The following ARHGAP5 variants were observed in gnomAD, a reference collection of about 807,000 sequenced individuals.
ARHGAP5 encodes the protein Rho GTPase activating protein 5.
ARHGAP5 carries 23 observed loss-of-function variants against 116.6 expected under a neutral mutation model. The observed-to-expected ratio is 0.20, with a 90% CI of 0.14 to 0.28. The LOEUF (loss-of-function observed/expected upper bound fraction) is 0.28, where lower values mean the gene tolerates loss of function less well. Among genes scored for constraint, ARHGAP5 ranks in the 10% least tolerant of loss-of-function variants. The pLI is 1.00. For synonymous variants in ARHGAP5, 574 were observed against 602.0 expected (o/e 0.95, Z 0.68); for missense variants, 1,405 against 1,774.8 (o/e 0.79, Z 3.74).
chr14:32,120,382 CTTT>C (rs139973746), intron 3 of ARHGAP5, among the ~76,000 whole-genome samples: 1 of 150,058 alleles, frequency 6.7e-6, no homozygotes, highest in Non-Finnish European at 1.5e-5. Flanking sequence ...ATTGATTTTC[CTTT>C]TTTTTTCCAT....
In ARHGAP5 at chr14:32,122,563, G is replaced by A. The variant is rs80144160; in HGVS notation, c.3865+5276G>A. On this transcript the variant is annotated intron_variant, in intron 3 of 6. Transcript: ENST00000345122. ...AAAATTTTGTCACTGTGTGCATGGT[G>A]TCATGTCTAAGAAGGTTTTTGCCTA... 4.9e-4 allele frequency among the ~76,000 whole-genome samples: 74 copies of A among 152,264 alleles called. No individual in the cohort carries two copies. In the East Asian group the frequency reaches 0.013, roughly 26 times the overall value.
At position 32,154,712 on chromosome 14, in the gene ARHGAP5, C is replaced by T; in HGVS notation, c.4273C>T (p.Arg1425Ter). 1 of 1,614,012 alleles carries T rather than the reference C, an allele frequency of 6.2e-7. No homozygotes were observed. ...CTTGATGAGACCTGATTTTGAAAATCGAGAGTTTCTGTCTACTACTAAGAT... is the reference window on the plus strand; with the variant it reads ...CTTGATGAGACCTGATTTTGAAAATTGAGAGTTTCTGTCTACTACTAAGAT... ...PTLMRPDFEN[R>*]EFLSTTKIHQ... The change falls in exon 7 of 7, where the codon CGA (arginine) becomes TGA (stop). Residue 1425 changes from arginine (R) to a stop codon, truncating the protein, a stop_gained. Coordinates refer to ENST00000345122, the MANE Select transcript of ARHGAP5 (RefSeq NM_001030055.2). LOFTEE classifies it high-confidence loss of function.
At chr14:32,108,500 G>GAGT (rs1423112710) in intron 2 of ARHGAP5, among the ~76,000 whole-genome samples, 2 of 152,064 alleles carry the variant, frequency 1.3e-5, no homozygotes, top group Non-Finnish European at 2.9e-5. Flanking sequence ...AGATGAAATA[G>GAGT]AGTAGGGTTA....
chr14:32,126,558 C>G (rs186452772), intron 3 of ARHGAP5, among the ~76,000 whole-genome samples: 3 of 152,160 alleles, frequency 2.0e-5, no homozygotes, highest in Non-Finnish European at 2.9e-5. Flanking sequence ...ATGATCTATT[C>G]CCAATAAGGT....
At chr14:32,111,947 T>C (rs1051938110) in intron 2 of ARHGAP5, among the ~76,000 whole-genome samples, 4 of 150,732 alleles carry the variant, frequency 2.7e-5, no homozygotes, top group Non-Finnish European at 5.9e-5. Flanking sequence ...GTGATTCTCC[T>C]GCCTCAGACT....
chr14:32,103,443 TTTTC>T lies in ARHGAP5; in HGVS notation c.3717+9060_3717+9063del, dbSNP rs1374327704. ...TTAAATTTGGCTTTCTATACAAACTTTTTCTTAGTGTTTATAGCAGCGTACTGAA... is the reference window on the plus strand; with the variant it reads ...TTAAATTTGGCTTTCTATACAAACTTTTAGTGTTTATAGCAGCGTACTGAA... On this transcript the variant is annotated intron_variant, in intron 2 of 6. Coordinates refer to ENST00000345122, the MANE Select transcript of ARHGAP5 (RefSeq NM_001030055.2). 6.6e-5 allele frequency among the ~76,000 whole-genome samples: 10 copies of T among 152,304 alleles called. No individual in the cohort carries two copies. In the East Asian group the frequency reaches 1.9e-3, roughly 29 times the overall value.
At chr14:32,151,676 C>T (rs950078502) in intron 5 of ARHGAP5, among the ~76,000 whole-genome samples, 27 of 152,202 alleles carry the variant, frequency 1.8e-4, no homozygotes, top group African/African-American at 6.5e-4. Flanking sequence ...TGTGCTACAA[C>T]ACAGGGTTGA....
intron 4 of ARHGAP5, among the ~76,000 whole-genome samples, chr14:32,149,346 CA>C (rs1202637907): frequency 9.1e-5 from 13 of 143,354 alleles, no homozygotes; most frequent in South Asian, 4.4e-4. Context: ...GCTGTATAAA[CA>C]AAAAAAAAAG....
In ARHGAP5 at chr14:32,149,423, A is replaced by G. The variant is rs540476069; in HGVS notation, c.3944-479A>G. Reference sequence around the variant, plus strand: ...ACAGCATTTTTTTATTATAACAGAAAAGGCTTATTGCTTGGTTGTCTTTTC... The same window carrying G: ...ACAGCATTTTTTTATTATAACAGAAGAGGCTTATTGCTTGGTTGTCTTTTC... On this transcript the variant is annotated intron_variant, in intron 4 of 6. Coordinates refer to ENST00000345122, the MANE Select transcript of ARHGAP5 (RefSeq NM_001030055.2). Among the ~76,000 whole-genome samples the G allele has an allele frequency of 9.9e-5, 15 of 152,260 alleles. No individual in the cohort carries two copies. In the South Asian group the frequency reaches 2.9e-3, roughly 29 times the overall value.
rs1229189824 is a variant in ARHGAP5, at chr14:32,158,245, C to A, written c.*3297C>A. On this transcript the variant is annotated 3_prime_UTR_variant, in exon 7 of 7. Coordinates refer to ENST00000345122, the MANE Select transcript of ARHGAP5 (RefSeq NM_001030055.2). ...ATAAATTTATCAATATGATGGAAAT[C>A]TTATTAAGGAGATGTATTATTGAAT... is the stretch of plus-strand genomic sequence containing the variant. 6.6e-6 allele frequency: 1 copy of A among 151,372 alleles called. No homozygotes were observed. Among genetic ancestry groups the A allele is most frequent in the Non-Finnish European group, 1.5e-5 (1 of 67,694 alleles). 9.4% of individuals were successfully genotyped at this position (151,372 alleles called of 1,614,324 possible). A position where few individuals can be genotyped will look rare whatever the true frequency, so the allele number is the denominator to read the frequency against.
intron 3 of ARHGAP5, among the ~76,000 whole-genome samples, chr14:32,136,059 A>G (rs1880773517): frequency 1.3e-5 from 2 of 152,128 alleles, no homozygotes; most frequent in Admixed American, 1.3e-4. Flanking sequence ...GCTAGGTTCA[A>G]TAAGTTTATA....
intron 2 of ARHGAP5, among the ~76,000 whole-genome samples, chr14:32,105,847 G>A (rs933020555): frequency 6.6e-6 from 1 of 152,128 alleles, no homozygotes; most frequent in Non-Finnish European, 1.5e-5. Context: ...GTCATTTCAA[G>A]GATGTTATAT....
intron 1 of ARHGAP5, among the ~76,000 whole-genome samples, chr14:32,087,199 T>C (rs1349568041): frequency 6.6e-6 from 1 of 152,084 alleles, no homozygotes; most frequent in Admixed American, 6.6e-5. Context: ...AATAAATTTT[T>C]TTTGTTCTTA....
At chr14:32,085,015 GACAGATTATGGGATATGAGTTACTCTCCT>G (rs538566003) in intron 1 of ARHGAP5, among the ~76,000 whole-genome samples, 2,220 of 152,022 alleles carry the variant, frequency 0.015, 21 homozygotes, top group Non-Finnish European at 0.023. Flanking sequence ...TAAAAAAAAA[GACAGATTATGGGATATGAGTTACTCTCCT>G]ACAGGTATTA....
chr14:32,150,050 T>A lies in ARHGAP5; in HGVS notation c.4075+17T>A. On this transcript the variant is annotated intron_variant, in intron 5 of 6. Coordinates refer to ENST00000345122, the MANE Select transcript of ARHGAP5 (RefSeq NM_001030055.2). Reference sequence around the variant, plus strand: ...AAGCAGCAAGTAAGTATAAACCTCCTTTTTATGAGAGGGATGATAATGGCA... The same window carrying A: ...AAGCAGCAAGTAAGTATAAACCTCCATTTTATGAGAGGGATGATAATGGCA... The A allele has an allele frequency of 1.3e-6, 2 of 1,553,370 alleles. No individual in the cohort carries two copies. The highest frequency in any genetic ancestry group is 2.8e-5 in the African/African-American group (2 of 71,710).
chr14:32,134,439 C>T (rs1027488486), intron 3 of ARHGAP5, among the ~76,000 whole-genome samples: 6 of 152,050 alleles, frequency 3.9e-5, no homozygotes, highest in Non-Finnish European at 8.8e-5. Context: ...CAAGTATCAC[C>T]GCAAAAAACT....
chr14:32,126,926 A>G (rs938005808), intron 3 of ARHGAP5, among the ~76,000 whole-genome samples: 4 of 151,942 alleles, frequency 2.6e-5, no homozygotes, highest in African/African-American at 7.3e-5. Flanking sequence ...TACACTTACA[A>G]ATGGTTAAGG....
intron 3 of ARHGAP5, among the ~76,000 whole-genome samples, chr14:32,120,247 T>G (rs1879816300): frequency 6.6e-6 from 1 of 152,094 alleles, no homozygotes; most frequent in African/African-American, 2.4e-5. Context: ...CTTATTATCC[T>G]TTTAGTGCCT....
intron 2 of ARHGAP5, among the ~76,000 whole-genome samples, chr14:32,111,483 A>G (rs1879293493): frequency 6.6e-6 from 1 of 152,222 alleles, no homozygotes; most frequent in Admixed American, 6.5e-5. Context: ...TAATAAGAGC[A>G]GATTGATTTA....
Sources: gnomAD v4.1 joint callset for allele counts (sites outside exome capture counted in the v4.1 genomes callset) on GRCh38, gnomAD v4.1.1 for gene constraint, MANE v1.5 for transcripts, NCBI Gene and HGNC (gene_info 2026-07-23, HGNC 2026-07-21) for gene names.